FHIT: variants seen among roughly 807,000 people sequenced by gnomAD.
FHIT encodes the protein fragile histidine triad diadenosine triphosphatase, also known as bis(5'-adenosyl)-triphosphatase.
Under a neutral mutation model 17.9 loss-of-function variants are expected in FHIT, and 19 were observed. The ratio of observed to expected loss-of-function variants is 1.06; its 90% CI spans 0.74 to 1.56. The LOEUF (loss-of-function observed/expected upper bound fraction) is 1.56, where lower values mean the gene tolerates loss of function less well. FHIT is among the 40% of genes most tolerant of loss of function. The pLI is 0.00. For missense variants in FHIT, 248 were observed against 189.2 expected, an observed-to-expected ratio of 1.31 and a Z score of -1.82; for synonymous variants, 81 against 69.7, an observed-to-expected ratio of 1.16 and a Z score of -0.81.
chr3:60,495,239 T>C (rs1048349436), intron 5 of FHIT, among the ~76,000 whole-genome samples: 6 of 151,684 alleles, frequency 4.0e-5, no homozygotes, highest in Middle Eastern at 3.2e-3. Flanking sequence ...TTGAGCACCT[T>C]TTCATATGCC....
chr3:61,212,590 C>A (rs571648484), intron 1 of FHIT, among the ~76,000 whole-genome samples: 84 of 152,200 alleles, frequency 5.5e-4, no homozygotes, highest in African/African-American at 1.9e-3. Flanking sequence ...AGGATATTAT[C>A]CAGGAGAACT....
At chr3:60,070,636 G>A (rs1702726703) in intron 5 of FHIT, among the ~76,000 whole-genome samples, 1 of 152,124 alleles carries the variant, frequency 6.6e-6, no homozygotes, top group African/African-American at 2.4e-5. Context: ...CCACCAGTGG[G>A]TTCCAACTGC....
At chr3:59,766,314 A>G (rs1372268477) in intron 8 of FHIT, among the ~76,000 whole-genome samples, 2 of 152,250 alleles carry the variant, frequency 1.3e-5, no homozygotes, top group Non-Finnish European at 2.9e-5. Context: ...GTTTTCCTCA[A>G]GATAGGAATC....
intron 5 of FHIT, among the ~76,000 whole-genome samples, chr3:60,495,188 CGTT>C (rs1559491500): frequency 6.6e-6 from 1 of 151,734 alleles, no homozygotes; most frequent in Non-Finnish European, 1.5e-5. Context: ...GATGATATCT[CGTT>C]GTAGTTCTGA....
At chr3:61,199,084 C>A (rs560679540) in intron 2 of FHIT, among the ~76,000 whole-genome samples, 3 of 152,282 alleles carry the variant, frequency 2.0e-5, no homozygotes, top group Non-Finnish European at 4.4e-5. Flanking sequence ...GATCAGGAAA[C>A]TGAGACTCTA....
intron 5 of FHIT, among the ~76,000 whole-genome samples, chr3:60,193,729 T>C (rs1702503403): frequency 6.6e-6 from 1 of 152,062 alleles, no homozygotes; most frequent in African/African-American, 2.4e-5. Context: ...AACAGTTTAG[T>C]GGGGGACACA....
At chr3:60,081,484 A>G (rs1361102755) in intron 5 of FHIT, among the ~76,000 whole-genome samples, 2 of 152,060 alleles carry the variant, frequency 1.3e-5, no homozygotes, top group African/African-American at 4.8e-5. Context: ...ACTCAACTCA[A>G]TCTACTGCTC....
chr3:60,786,687 C>A lies in FHIT; in HGVS notation c.-18+35232G>T, dbSNP rs537336985. Among the ~76,000 whole-genome samples, 3 of 152,214 alleles carry A rather than the reference C, an allele frequency of 2.0e-5. No individual in the cohort carries two copies. In the South Asian group the frequency reaches 6.2e-4, roughly 32 times the overall value. ...CTAAAAAGTTTAGTGGTGTTTCAGA[C>A]AAATCTAAGAGAAGATAAGCATGAA... is the stretch of plus-strand genomic sequence containing the variant. On this transcript the variant is annotated intron_variant, in intron 4 of 9. Transcript: ENST00000492590.
chr3:60,558,795 C>A (rs1442945892), intron 4 of FHIT, among the ~76,000 whole-genome samples: 3 of 152,144 alleles, frequency 2.0e-5, no homozygotes, highest in Non-Finnish European at 2.9e-5. Flanking sequence ...GATACCATTA[C>A]CAATCAATCA....
intron 1 of FHIT, among the ~76,000 whole-genome samples, chr3:61,202,335 C>A (rs1013544659): frequency 6.7e-6 from 1 of 150,132 alleles, no homozygotes; most frequent in African/African-American, 2.5e-5. Flanking sequence ...TCGGCAGCCG[C>A]CCTGTCTGGG....
intron 1 of FHIT, among the ~76,000 whole-genome samples, chr3:61,245,615 T>C (rs61461958): frequency 0.055 from 8,447 of 152,266 alleles, 806 homozygotes; most frequent in African/African-American, 0.19. Context: ...AGCACAAACA[T>C]ACATGCTTAT....
chr3:60,692,671 A>G (rs2041020260), intron 4 of FHIT, among the ~76,000 whole-genome samples: 1 of 152,198 alleles, frequency 6.6e-6, no homozygotes, highest in Admixed American at 6.5e-5. Flanking sequence ...ATATCCATCT[A>G]TTTCAAACTT....
At chr3:59,868,056 A>AAAAC (rs1553701086) in intron 8 of FHIT, among the ~76,000 whole-genome samples, 5 of 151,320 alleles carry the variant, frequency 3.3e-5, no homozygotes, top group African/African-American at 1.2e-4. Context: ...TTAAAAAAAA[A>AAAAC]AAAAAAAAAA....
intron 6 of FHIT, among the ~76,000 whole-genome samples, chr3:60,012,346 G>C (rs1700175861): frequency 6.9e-6 from 1 of 143,964 alleles, no homozygotes; most frequent in Non-Finnish European, 1.5e-5. Context: ...GCGGCTCACT[G>C]CACCCTTGAC....
chr3:60,078,256 C>T (rs1703120206), intron 5 of FHIT, among the ~76,000 whole-genome samples: 1 of 152,050 alleles, frequency 6.6e-6, no homozygotes, highest in Non-Finnish European at 1.5e-5. Flanking sequence ...ACCTGGTAGA[C>T]ACCACACCAA....
intron 4 of FHIT, among the ~76,000 whole-genome samples, chr3:60,691,870 T>C (rs1343591309): frequency 4.6e-5 from 7 of 152,172 alleles, no homozygotes; most frequent in Non-Finnish European, 8.8e-5. Context: ...CCCTTCAGAT[T>C]TCTGTGACAT....
chr3:61,128,574 G>A (rs1286438890), intron 2 of FHIT, among the ~76,000 whole-genome samples: 1 of 152,002 alleles, frequency 6.6e-6, no homozygotes, highest in Non-Finnish European at 1.5e-5. Flanking sequence ...ATGTGGGCCC[G>A]TCCTAGTTTG....
chr3:60,254,930 C>T (rs555396165), intron 5 of FHIT, among the ~76,000 whole-genome samples: 2 of 152,142 alleles, frequency 1.3e-5, no homozygotes, highest in South Asian at 2.1e-4. Context: ...TTTAAAGGCC[C>T]GAGCACCATA....
At position 60,974,213 on chromosome 3, in the gene FHIT, C is replaced by T. The variant is rs574000534; in HGVS notation, c.-111+67834G>A. Among the ~76,000 whole-genome samples the T allele has an allele frequency of 7.2e-5, 11 of 152,252 alleles. 1 individual carries two copies. The East Asian group carries it at 9.6e-4, about 13-fold the overall frequency. ...GTAACATTTCCCATTTTTCCTCATA[C>T]AAAATTTACATAAAACCTTTGCTTT... On this transcript the variant is annotated intron_variant, in intron 3 of 9. Coordinates refer to ENST00000492590, the MANE Select transcript of FHIT (RefSeq NM_002012.4).
Sources: gnomAD v4.1 joint callset for allele counts (sites outside exome capture counted in the v4.1 genomes callset) on GRCh38, gnomAD v4.1.1 for gene constraint, MANE v1.5 for transcripts, NCBI Gene and HGNC (gene_info 2026-07-23, HGNC 2026-07-21) for gene names.